Variants in SHC3 observed in about 807,000 individuals in gnomAD.
The protein encoded by SHC3 is SHC adaptor protein 3.
SHC3 carries 15 observed loss-of-function variants against 60.4 expected under a neutral mutation model. The observed-to-expected ratio is 0.25, with a 90% confidence interval of 0.17 to 0.38. The LOEUF is 0.38. SHC3 is among the 10% of genes least tolerant of loss of function. The pLI, the probability that SHC3 is intolerant of heterozygous loss-of-function variation, is 1.00. For missense variants in SHC3, 677 were observed against 786.1 expected (o/e 0.86, Z 1.66); for synonymous variants, 294 against 325.9 (o/e 0.90, Z 1.05).
chr9:89,066,635 G>GCA (rs1377492245), intron 5 of SHC3, among the ~76,000 whole-genome samples: 8 of 152,166 alleles, frequency 5.3e-5, no homozygotes, highest in Admixed American at 4.6e-4. Context: ...TCAAGACTCT[G>GCA]TGGGGCAACT....
intron 9 of SHC3, among the ~76,000 whole-genome samples, chr9:89,045,513 G>A (rs1159669002): frequency 6.6e-6 from 1 of 152,124 alleles, no homozygotes; most frequent in African/African-American, 2.4e-5. Flanking sequence ...GACCTCAGGT[G>A]ATTGTCCCGC....
intron 6 of SHC3, among the ~76,000 whole-genome samples, chr9:89,055,682 G>A (rs1325203725): frequency 3.3e-5 from 5 of 152,166 alleles, no homozygotes; most frequent in Non-Finnish European, 7.3e-5. Context: ...AACTGTCATG[G>A]GCTTCTCCCA....
At position 89,006,392 on chromosome 9, in the gene SHC3, T is replaced by C. The variant is rs1386646402; in HGVS notation, c.*7055A>G. On this transcript the variant is annotated 3_prime_UTR_variant, in exon 12 of 12. Transcript: ENST00000375835. ...ATAACTTAGGTTTTTTCATTTGTCA[T>C]AGAACAAAGATTAGAGAACTTGAAA... The C allele has an allele frequency of 6.6e-6, 1 of 152,242 alleles. No individual in the cohort carries two copies. The highest frequency in any genetic ancestry group is 1.5e-5 in the Non-Finnish European group (1 of 68,030). 9.4% of individuals were successfully genotyped at this position (152,242 alleles called of 1,614,324 possible). A position where few individuals can be genotyped will look rare whatever the true frequency, so the allele number is the denominator to read the frequency against.
intron 1 of SHC3, among the ~76,000 whole-genome samples, chr9:89,146,212 C>CG (rs756662134): frequency 0.034 from 5,200 of 151,876 alleles, 173 homozygotes; most frequent in African/African-American, 0.083. Context: ...CAAAAATTAG[C>CG]TGGGGGTCGT....
chr9:89,128,210 T>G (rs1422654212), intron 1 of SHC3, among the ~76,000 whole-genome samples: 1 of 152,190 alleles, frequency 6.6e-6, no homozygotes, highest in Non-Finnish European at 1.5e-5. Flanking sequence ...GTTTTAAAGA[T>G]TATTAGTAAA....
chr9:89,013,655 A>G, intron 11 of SHC3, 80 bp from the exon 12 acceptor site: 1 of 1,514,698 alleles, frequency 6.6e-7, no homozygotes, highest in Non-Finnish European at 8.9e-7. Flanking sequence ...AATCAGCCAG[A>G]CCATCTGAAC....
intron 2 of SHC3, among the ~76,000 whole-genome samples, chr9:89,099,675 C>T (rs78459288): frequency 0.014 from 2,058 of 152,132 alleles, 22 homozygotes; most frequent in South Asian, 0.034. Context: ...GTGCCCATGC[C>T]GAGGACTGAC....
At chr9:89,031,399 T>C (rs1240460287) in intron 11 of SHC3, among the ~76,000 whole-genome samples, 1 of 152,134 alleles carries the variant, frequency 6.6e-6, no homozygotes, top group East Asian at 1.9e-4. Flanking sequence ...TGTCCTCCCA[T>C]CCCTTTCTCT....
rs577941527 is a variant in SHC3 at position 89,115,444 on chromosome 9, C to A, written c.475-2818G>T. ...TCAGAGATATTATAAATACCACAAC[C>A]GCCAATGCTGCAAAATTGTGTGACT... On this transcript the variant is annotated intron_variant, in intron 1 of 11. Transcript: ENST00000375835. Among the ~76,000 whole-genome samples the A allele has an allele frequency of 1.2e-4, 18 of 152,256 alleles. No homozygotes were observed. In the South Asian group the frequency reaches 3.5e-3, roughly 30 times the overall value.
chr9:89,090,291 A>G (rs1296117808), intron 2 of SHC3, among the ~76,000 whole-genome samples: 1 of 152,194 alleles, frequency 6.6e-6, no homozygotes, highest in Non-Finnish European at 1.5e-5. Flanking sequence ...ATGAGACTAG[A>G]TGCATGCAGT....
chr9:89,092,343 C>T (rs776500058), intron 2 of SHC3, among the ~76,000 whole-genome samples: 3 of 152,120 alleles, frequency 2.0e-5, no homozygotes, highest in Non-Finnish European at 4.4e-5. Context: ...TTTGGCCTGG[C>T]GCAGCGGCTC....
intron 4 of SHC3, among the ~76,000 whole-genome samples, chr9:89,073,534 C>A (rs1432413407): frequency 6.6e-6 from 1 of 152,102 alleles, no homozygotes; most frequent in Admixed American, 6.5e-5. Flanking sequence ...AGAGTCAGAA[C>A]CCTGTGTGCT....
chr9:89,027,618 C>T (rs921663251), intron 11 of SHC3, among the ~76,000 whole-genome samples: 3 of 151,780 alleles, frequency 2.0e-5, no homozygotes, highest in African/African-American at 2.4e-5. Context: ...CCACTGTGCC[C>T]GGCCAAAATG....
intron 2 of SHC3, among the ~76,000 whole-genome samples, chr9:89,100,522 C>T (rs1347459206): frequency 6.6e-6 from 1 of 152,108 alleles, no homozygotes; most frequent in Non-Finnish European, 1.5e-5. Flanking sequence ...CCATGCCCAT[C>T]CTTAGTTCTA....
chr9:89,157,073 C>T lies in SHC3; in HGVS notation c.474+20914G>A, dbSNP rs74797019. Among the ~76,000 whole-genome samples the T allele has an allele frequency of 5.9e-3, 895 of 152,234 alleles. 9 individuals are homozygous for T. Among genetic ancestry groups the T allele is most frequent in the African/African-American group, 0.02 (838 of 41,538 alleles). Reference sequence around the variant, plus strand: ...GTCAAGCGTAAGCAACCCAATTCTCCTTACTTGGCACCCTACAAGTAAGGG... The same window carrying T: ...GTCAAGCGTAAGCAACCCAATTCTCTTTACTTGGCACCCTACAAGTAAGGG... On this transcript the variant is annotated intron_variant, in intron 1 of 11. Coordinates refer to ENST00000375835, the MANE Select transcript of SHC3 (RefSeq NM_016848.6).
At chr9:89,165,253 G>C (rs2118253004) in intron 1 of SHC3, among the ~76,000 whole-genome samples, 1 of 138,836 alleles carries the variant, frequency 7.2e-6, no homozygotes, top group East Asian at 1.9e-4. Flanking sequence ...AAAAGAAAAA[G>C]ACGTGTTTGT....
intron 2 of SHC3, among the ~76,000 whole-genome samples, chr9:89,083,314 AGGCAGT>A (rs1191918600): frequency 2.0e-5 from 3 of 152,222 alleles, no homozygotes; most frequent in African/African-American, 7.2e-5. Context: ...GTGCTGAAAG[AGGCAGT>A]GGAGGAAGAT....
rs1826038161 is a variant in SHC3 at position 89,013,318 on chromosome 9, C to G, written c.*129G>C. On this transcript the variant is annotated 3_prime_UTR_variant, in exon 12 of 12. Transcript: ENST00000375835. ...TTATGAAACTTGACCTTAAAGGAAG[C>G]CTTCCTTTTGAAGCTTTTGAAGAAG... 5.9e-6 allele frequency: 7 copies of G among 1,183,778 alleles called. No individual in the cohort carries two copies. The highest frequency in any genetic ancestry group is 2.9e-5 in the Admixed American group (1 of 33,926). 73.3% of individuals were successfully genotyped at this position (1,183,778 alleles called of 1,614,324 possible). A position where few individuals can be genotyped will look rare whatever the true frequency, so the allele number is the denominator to read the frequency against.
intron 11 of SHC3, among the ~76,000 whole-genome samples, chr9:89,029,686 G>C (rs1407218737): frequency 6.6e-6 from 1 of 152,186 alleles, no homozygotes; most frequent in Non-Finnish European, 1.5e-5. Flanking sequence ...ATCTGTCTGT[G>C]TGTCCTAAGA....
Sources: allele counts gnomAD v4.1 joint callset (sites outside exome capture counted in the v4.1 genomes callset), GRCh38; gene constraint gnomAD v4.1.1; transcripts MANE v1.5; gene names NCBI Gene and HGNC (gene_info 2026-07-23, HGNC 2026-07-21).